Variants in FLACC1 observed in about 807,000 individuals in gnomAD.
FLACC1 encodes flagellum associated containing coiled-coil domains 1, also known as flagellum-associated coiled-coil domain-containing protein 1.
FLACC1 carries 66 observed loss-of-function variants against 62.8 expected under a neutral mutation model. The ratio of observed to expected loss-of-function variants is 1.05; its 90% confidence interval spans 0.86 to 1.29. FLACC1 has a LOEUF of 1.29. Among genes scored for constraint, FLACC1 ranks in the 50% most tolerant of loss-of-function variants. The pLI is 0.00. For missense variants in FLACC1, 452 were observed against 489.1 expected (o/e 0.92, Z 0.71); for synonymous variants, 156 against 161.0 (o/e 0.97, Z 0.24).
chr2:201,297,113 A>G (rs910317941), intron 12 of FLACC1, among the ~76,000 whole-genome samples: 2 of 152,138 alleles, frequency 1.3e-5, no homozygotes, highest in African/African-American at 4.8e-5. Flanking sequence ...CAGCTGAGGG[A>G]GTTGACAATT....
chr2:201,361,088 G>GAAAACA (rs1002332469), upstream of FLACC1, among the ~76,000 whole-genome samples: 4 of 152,028 alleles, frequency 2.6e-5, no homozygotes, highest in African/African-American at 7.2e-5. Flanking sequence ...AGAAGAGGAA[G>GAAAACA]AAAACAAAAA....
intron 4 of FLACC1, 53 bp downstream of exon 4, chr2:201,348,201 T>A: frequency 6.4e-7 from 1 of 1,561,826 alleles, no homozygotes; most frequent in Non-Finnish European, 8.8e-7. Context: ...TGCTTGCACA[T>A]AGTAGGCACT....
chr2:201,314,289 A>T (rs1344587743), intron 9 of FLACC1, among the ~76,000 whole-genome samples: 2 of 151,796 alleles, frequency 1.3e-5, no homozygotes, highest in African/African-American at 2.4e-5. Context: ...AAGGAAATTT[A>T]AAAAAAAATG....
intron 7 of FLACC1, among the ~76,000 whole-genome samples, chr2:201,333,764 A>T (rs1451811019): frequency 6.6e-6 from 1 of 152,118 alleles, no homozygotes; most frequent in Non-Finnish European, 1.5e-5. Flanking sequence ...ATAGTATTCC[A>T]TGGTGTATAT....
chr2:201,361,085 G>T (rs1403537265), upstream of FLACC1, among the ~76,000 whole-genome samples: 1 of 152,006 alleles, frequency 6.6e-6, no homozygotes, highest in Non-Finnish European at 1.5e-5. Context: ...CTCAGAAGAG[G>T]AAGAAAACAA....
chr2:201,363,182 G>A, the FLACC1 span, among the ~76,000 whole-genome samples: 4 of 152,072 alleles, frequency 2.6e-5, no homozygotes, highest in South Asian at 2.1e-4. Flanking sequence ...GTGGTACAGC[G>A]TGGCTCTCTC....
At chr2:201,306,903 T>C (rs538272094) in intron 11 of FLACC1, among the ~76,000 whole-genome samples, 3 of 152,164 alleles carry the variant, frequency 2.0e-5, no homozygotes, top group Non-Finnish European at 4.4e-5. Flanking sequence ...TGGAAGAACA[T>C]ATATGAATGG....
rs1323019834 is a variant in FLACC1 at position 201,356,987 on chromosome 2, A to G, written c.-53T>C. 3 of 152,228 alleles carry G rather than the reference A, an allele frequency of 2.0e-5. No homozygotes were observed. Among genetic ancestry groups the G allele is most frequent in the Non-Finnish European group, 4.4e-5 (3 of 68,046 alleles). The allele number at this position is 152,228 out of a possible 1,614,324, so 9.4% of individuals were successfully genotyped here. On this transcript the variant is annotated 5_prime_UTR_variant, in exon 1 of 15. Transcript: ENST00000392257. The stretch of plus-strand genomic sequence containing the variant: ...ATCTTTTCCAAAGAGCTTACCTTGG[A>G]CTGCCCAAAGATCTGTTATTCTCAT...
At chr2:201,309,674 G>C (rs957258070) in intron 9 of FLACC1, among the ~76,000 whole-genome samples, 2 of 151,726 alleles carry the variant, frequency 1.3e-5, no homozygotes, top group African/African-American at 2.4e-5. Flanking sequence ...TTTGGGAGGT[G>C]GAGGCAGGCA....
At chr2:201,338,218 T>C (rs1422002218) in intron 7 of FLACC1, among the ~76,000 whole-genome samples, 1 of 152,246 alleles carries the variant, frequency 6.6e-6, no homozygotes, top group East Asian at 1.9e-4. Context: ...ACTGTTGGTG[T>C]ACAGAAATGC....
At chr2:201,363,220 T>C in the FLACC1 span, among the ~76,000 whole-genome samples, 1 of 149,820 alleles carries the variant, frequency 6.7e-6, no homozygotes, top group South Asian at 2.1e-4. Flanking sequence ...GATCTCCAGG[T>C]ATCTGGAGCA....
rs1329130426 is a variant in FLACC1 at position 201,346,685 on chromosome 2, A to G, written c.235-10T>C. On this transcript the variant is annotated splice_polypyrimidine_tract_variant and intron_variant, in intron 4 of 14. Transcript: ENST00000392257. The surrounding 1 kb of genome is among the most constrained non-coding windows in gnomAD (Gnocchi z 4.0). The stretch of plus-strand genomic sequence containing the variant: ...ACACGTTGATCACTTCCTAGGCATC[A>G]AGGGAAAGTAAGATAAAATGGCAGA... 1.2e-6 allele frequency: 2 copies of G among 1,613,928 alleles called. No individual in the cohort carries two copies. The highest frequency in any genetic ancestry group is 1.7e-5 in the Admixed American group (1 of 60,022).
rs185688225 is a variant in FLACC1, at chr2:201,289,478, G to A, written c.1121C>T (p.Thr374Met). Residue 374 changes from threonine (T) to methionine (M), a missense_variant, in exon 14 of 15, where the codon ACG becomes ATG. By Grantham distance (81) the Thr-to-Met change is moderately conservative. Coordinates refer to ENST00000392257, the MANE Select transcript of FLACC1 (RefSeq NM_001127391.3). Reference protein sequence around the residue: ...EKYKHTIQILTEENIHLKQKI... With the variant: ...EKYKHTIQILMEENIHLKQKI... ...GCACTTCAGATGAATGTTCTCTTCC[G>A]TCAGGATCTGTATGGTGTGCTTATA... 36 of 1,614,094 alleles carry A rather than the reference G, an allele frequency of 2.2e-5. No homozygotes were observed. Among genetic ancestry groups the A allele is most frequent in the East Asian group, 6.7e-5 (3 of 44,886 alleles).
At position 201,288,671 on chromosome 2, in the gene FLACC1, T is replaced by G. The variant is rs1428020293; in HGVS notation, c.1253A>C (p.Lys418Thr). Residue 418 changes from lysine to threonine, a missense_variant, in exon 15 of 15, where the codon AAA (lysine) becomes ACA (threonine). Transcript: ENST00000392257. ...ACTTTTTGTTTATGATTCTTGTCCT[T>G]TCTTGCTACCATCTTGCACAGTGTC... ...DSDTVQDGSK[K>T]GQES The G allele has an allele frequency of 6.2e-7, 1 of 1,613,948 alleles. No homozygotes were observed. The highest frequency in any genetic ancestry group is 2.2e-5 in the East Asian group (1 of 44,878).
At chr2:201,353,946 A>T (rs549205012) in intron 1 of FLACC1, among the ~76,000 whole-genome samples, 1 of 152,374 alleles carries the variant, frequency 6.6e-6, no homozygotes, top group South Asian at 2.1e-4. Flanking sequence ...CAAAAATGTT[A>T]TAAGAATCAA....
At chr2:201,332,717 C>G (rs1950618689) in intron 7 of FLACC1, among the ~76,000 whole-genome samples, 1 of 151,926 alleles carries the variant, frequency 6.6e-6, no homozygotes, top group African/African-American at 2.4e-5. Context: ...TCCCTATTCC[C>G]CCCACCCCCT....
At position 201,330,765 on chromosome 2, in the gene FLACC1, G is replaced by T. The variant is rs142608789; in HGVS notation, c.593C>A (p.Ala198Glu). 163 of 1,613,880 alleles carry T rather than the reference G, an allele frequency of 1.0e-4. No homozygotes were observed. In the African/African-American group the frequency reaches 1.8e-3, roughly 17 times the overall value. Residue 198 changes from alanine (A) to glutamate (E), a missense_variant, in exon 8 of 15, where the codon GCA (alanine) becomes GAA (glutamate). Transcript: ENST00000392257. The stretch of plus-strand genomic sequence containing the variant: ...CTTCTCTTGGGCAGCCAACTTCTCT[G>T]CCTTCAAGGCTGCTTTGTAGTTGTT... ...LENNYKAALK[A>E]EKLAAQEKLE...
At position 201,346,450 on chromosome 2, in the gene FLACC1, T is replaced by G; in HGVS notation, c.368+92A>C. 1 of 1,562,702 alleles carries G rather than the reference T, an allele frequency of 6.4e-7. No individual in the cohort carries two copies. The highest frequency in any genetic ancestry group is 8.6e-7 in the Non-Finnish European group (1 of 1,156,616). On this transcript the variant is annotated intron_variant, in intron 5 of 14. Transcript: ENST00000392257. This position sits in a 1 kb window ranked among gnomAD's most constrained non-coding sequence, Gnocchi z 4.0. ...CCAGAGCAGGGACCAGTGGCCTGGG[T>G]GTGGGCATAGCGGCTTTGGCTTGTC...
intron 7 of FLACC1, among the ~76,000 whole-genome samples, chr2:201,333,224 C>T (rs867733637): frequency 3.3e-5 from 5 of 152,042 alleles, no homozygotes; most frequent in Admixed American, 6.6e-5. Flanking sequence ...TGTTATCTTT[C>T]GCCTTCTTGA....
Sources: gnomAD v4.1 joint callset for allele counts (sites outside exome capture counted in the v4.1 genomes callset) on GRCh38, gnomAD v4.1.1 for gene constraint, Gnocchi (gnomAD v3.1) non-coding constraint, MANE v1.5 for transcripts, NCBI Gene and HGNC (gene_info 2026-07-23, HGNC 2026-07-21) for gene names.